Variants in FAM184B observed in about 807,000 individuals in gnomAD.
FAM184B encodes family with sequence similarity 184 member B.
In FAM184B, 111 loss-of-function variants were observed where a neutral mutation model predicts 135.9. The ratio of observed to expected loss-of-function variants is 0.82; its 90% CI spans 0.70 to 0.96. The LOEUF (loss-of-function observed/expected upper bound fraction) is 0.96. Ranked by LOEUF, FAM184B falls within the 40% of genes least tolerant of loss-of-function variation. FAM184B has a pLI of 0.00. For missense variants in FAM184B, 1,375 were observed against 1,323.9 expected (o/e 1.04, Z -0.60); for synonymous variants, 552 against 524.8 (o/e 1.05, Z -0.71).
chr4:17,762,303 C>G (rs1030937531), intron 1 of FAM184B, among the ~76,000 whole-genome samples: 9 of 152,222 alleles, frequency 5.9e-5, no homozygotes, highest in Admixed American at 6.5e-5. Context: ...AAGATGCTCA[C>G]AAGAATGCCA....
chr4:17,733,697 A>G (rs1364102900), intron 1 of FAM184B, among the ~76,000 whole-genome samples: 2 of 152,246 alleles, frequency 1.3e-5, no homozygotes, highest in East Asian at 1.9e-4. Context: ...AACAAATGGA[A>G]GAACATTCCA....
chr4:17,649,194 A>G (rs1158498116), intron 11 of FAM184B, among the ~76,000 whole-genome samples: 2 of 152,210 alleles, frequency 1.3e-5, no homozygotes, highest in African/African-American at 4.8e-5. Flanking sequence ...ATAAAAGTGT[A>G]TTCATTATAA....
intron 13 of FAM184B, among the ~76,000 whole-genome samples, chr4:17,640,588 A>G (rs1715282897): frequency 6.6e-6 from 1 of 152,182 alleles, no homozygotes; most frequent in Non-Finnish European, 1.5e-5. Flanking sequence ...ATTAAAAAAA[A>G]GGAATCCTCC....
At chr4:17,672,293 A>G (rs1716187699) in intron 7 of FAM184B, among the ~76,000 whole-genome samples, 1 of 152,172 alleles carries the variant, frequency 6.6e-6, no homozygotes, top group Non-Finnish European at 1.5e-5. Flanking sequence ...TATACCTGGG[A>G]AAACCCTCCT....
intron 17 of FAM184B, chr4:17,633,311 G>A (rs1577237972): frequency 1.2e-5 from 2 of 165,654 alleles, no homozygotes; most frequent in Non-Finnish European, 2.6e-5. Flanking sequence ...GAAGATTTTT[G>A]TGCCAAGTCC....
chr4:17,647,030 GAGT>G (rs2108933885), intron 12 of FAM184B, among the ~76,000 whole-genome samples: 1 of 152,252 alleles, frequency 6.6e-6, no homozygotes, highest in East Asian at 1.9e-4. Context: ...AGATCCAGAG[GAGT>G]AGCCCAGACC....
intron 11 of FAM184B, among the ~76,000 whole-genome samples, chr4:17,650,742 A>C (rs1478248438): frequency 6.6e-6 from 1 of 152,112 alleles, no homozygotes; most frequent in Non-Finnish European, 1.5e-5. Flanking sequence ...AAGTCTACGA[A>C]ACTCTTTCCT....
intron 4 of FAM184B, among the ~76,000 whole-genome samples, chr4:17,705,542 G>A (rs559929726): frequency 1.1e-4 from 16 of 152,192 alleles, no homozygotes; most frequent in South Asian, 2.1e-4. Context: ...ATGATATAGC[G>A]TTGGGAGGAT....
chr4:17,732,015 C>T (rs1193958094), intron 1 of FAM184B, among the ~76,000 whole-genome samples: 2 of 152,166 alleles, frequency 1.3e-5, no homozygotes, highest in African/African-American at 4.8e-5. Context: ...CAAACTAGAA[C>T]TCAGGACTAA....
chr4:17,668,900 G>A (rs984518512), intron 7 of FAM184B, among the ~76,000 whole-genome samples: 1 of 152,108 alleles, frequency 6.6e-6, no homozygotes, highest in African/African-American at 2.4e-5. Flanking sequence ...ATTGTTCTAG[G>A]AACACAAGAA....
At chr4:17,646,963 CA>C (rs1560166749) in intron 12 of FAM184B, among the ~76,000 whole-genome samples, 1 of 152,048 alleles carries the variant, frequency 6.6e-6, no homozygotes, top group African/African-American at 2.4e-5. Flanking sequence ...AGGGGAACAG[CA>C]AGGTCTAGAT....
chr4:17,741,486 G>C (rs1718030960), intron 1 of FAM184B, among the ~76,000 whole-genome samples: 1 of 152,006 alleles, frequency 6.6e-6, no homozygotes, highest in Non-Finnish European at 1.5e-5. Flanking sequence ...CTGAGGTCAG[G>C]AGTTTGAGAC....
rs757988608 is a variant in FAM184B, at chr4:17,636,510, G to A, written c.2784+18C>T. The stretch of plus-strand genomic sequence containing the variant: ...GCCCGGCCAGGTGCGTGGGTGAGGC[G>A]CCCCCTGACAGCCTCACCGTGAGCT... On this transcript the variant is annotated intron_variant, in intron 15 of 17. Coordinates refer to ENST00000265018, the MANE Select transcript of FAM184B (RefSeq NM_015688.2). 18 of 1,535,496 alleles carry A rather than the reference G, an allele frequency of 1.2e-5. No homozygotes were observed. The highest frequency in any genetic ancestry group is 1.7e-4 in the Middle Eastern group (1 of 5,980).
intron 1 of FAM184B, among the ~76,000 whole-genome samples, chr4:17,737,549 T>A (rs1051916708): frequency 6.6e-6 from 1 of 152,132 alleles, no homozygotes; most frequent in South Asian, 2.1e-4. Flanking sequence ...ATAAACATAT[T>A]CATAGAATTT....
In FAM184B at chr4:17,652,870, C is replaced by T; in HGVS notation, c.2151G>A (p.Glu717=). The T allele has an allele frequency of 2.6e-6, 4 of 1,551,726 alleles. No individual in the cohort carries two copies. Among genetic ancestry groups the T allele is most frequent in the Non-Finnish European group, 3.5e-6 (4 of 1,147,006 alleles). ...LEEKARQELQ[E]ERERMQAQQA... ...GCTGTGCCTGCATCCTCTCACGCTC[C>T]TCCTGCAGCTCTTGCCTGGCCTTTT... The change falls in exon 11 of 18, where the codon GAG becomes GAA. Residue 717 remains glutamate (E), a synonymous_variant. Coordinates refer to ENST00000265018, the MANE Select transcript of FAM184B (RefSeq NM_015688.2).
At chr4:17,707,897 C>T in intron 2 of FAM184B, 113 bp from the exon 3 acceptor site, 1 of 1,241,326 alleles carries the variant, frequency 8.1e-7, no homozygotes, top group Non-Finnish European at 1.1e-6. Context: ...AGCAGAAGCC[C>T]TGAGTCAGTG....
chr4:17,636,741 C>CA, intron 14 of FAM184B, 96 bp from the exon 15 acceptor site: 1 of 1,068,202 alleles, frequency 9.4e-7, no homozygotes, highest in South Asian at 1.6e-5. Context: ...ATCCTGTGTT[C>CA]AGCCCGGCCA....
At chr4:17,636,126 G>A (rs1447208083) in intron 15 of FAM184B, among the ~76,000 whole-genome samples, 1 of 151,910 alleles carries the variant, frequency 6.6e-6, no homozygotes, top group Non-Finnish European at 1.5e-5. Flanking sequence ...GTTTTTCTTT[G>A]AGACAGTCTT....
In FAM184B at chr4:17,754,461, G is replaced by A. The variant is rs559673489; in HGVS notation, c.141+26698C>T. ...AGCTACTCAGGAAGCTGAGGCAGGA[G>A]AATCGCTTGAACCCGGGAGGCGGAG... On this transcript the variant is annotated intron_variant, in intron 1 of 17. Coordinates refer to ENST00000265018, the MANE Select transcript of FAM184B (RefSeq NM_015688.2). Among the ~76,000 whole-genome samples the A allele has an allele frequency of 1.8e-3, 277 of 150,888 alleles. 2 individuals are homozygous for A. The highest frequency in any genetic ancestry group is 2.9e-3 in the Non-Finnish European group (196 of 67,848).
Sources: allele counts gnomAD v4.1 joint callset (sites outside exome capture counted in the v4.1 genomes callset), GRCh38; gene constraint gnomAD v4.1.1; transcripts MANE v1.5; gene names NCBI Gene and HGNC (gene_info 2026-07-23, HGNC 2026-07-21).